Variants in ANKFN1 observed in about 807,000 individuals in gnomAD.
ANKFN1 encodes the protein ankyrin repeat and fibronectin type III domain containing 1, also known as ankyrin repeat and fibronectin type-III domain-containing protein 1.
In ANKFN1, 74 loss-of-function variants were observed where a neutral mutation model predicts 108.7. The ratio of observed to expected loss-of-function variants is 0.68; its 90% confidence interval spans 0.56 to 0.83. The LOEUF (loss-of-function observed/expected upper bound fraction) is 0.83, where lower values mean the gene tolerates loss of function less well. Ranked by LOEUF, ANKFN1 falls within the 40% of genes least tolerant of loss-of-function variation. The pLI is 0.00. For synonymous variants in ANKFN1, 547 were observed against 516.2 expected (o/e 1.06, Z -0.81); for missense variants, 1,505 against 1,382.3 (o/e 1.09, Z -1.41).
intron 4 of ANKFN1, among the ~76,000 whole-genome samples, chr17:56,118,491 T>C (rs116424177): frequency 3.3e-5 from 5 of 152,180 alleles, no homozygotes; most frequent in African/African-American, 1.2e-4. Flanking sequence ...TATTTACTTA[T>C]GTCCCTTATT....
chr17:56,415,289 A>G (rs2048211026), intron 8 of ANKFN1, among the ~76,000 whole-genome samples: 1 of 152,202 alleles, frequency 6.6e-6, no homozygotes. Context: ...AGGTGATATG[A>G]TCTTATATTT....
chr17:56,193,438 G>A (rs1334591424), intron 1 of ANKFN1, among the ~76,000 whole-genome samples: 1 of 151,046 alleles, frequency 6.6e-6, no homozygotes, highest in African/African-American at 2.4e-5. Context: ...ATGTAAAAGT[G>A]CATAATTTAT....
intron 15 of ANKFN1, among the ~76,000 whole-genome samples, chr17:56,470,482 C>T (rs1187549559): frequency 1.3e-5 from 2 of 151,994 alleles, no homozygotes; most frequent in East Asian, 3.9e-4. Flanking sequence ...TAATAATCAC[C>T]ATTCATGTCT....
intron 14 of ANKFN1, among the ~76,000 whole-genome samples, chr17:56,464,774 G>A (rs952070038): frequency 2.0e-5 from 3 of 152,172 alleles, no homozygotes; most frequent in Admixed American, 2.0e-4. Context: ...GTAAAGATTA[G>A]CATAACAGCT....
chr17:56,375,168 A>G (rs1012178644), intron 8 of ANKFN1, among the ~76,000 whole-genome samples: 2 of 152,164 alleles, frequency 1.3e-5, no homozygotes, highest in African/African-American at 2.4e-5. Flanking sequence ...GGAGGTCAGG[A>G]AAGAGCAAGG....
At chr17:56,474,394 T>C (rs115684374) in intron 15 of ANKFN1, among the ~76,000 whole-genome samples, 267 of 152,368 alleles carry the variant, frequency 1.8e-3, no homozygotes, top group Middle Eastern at 0.014. Context: ...GTAATCTGTA[T>C]GATTTGCTCT....
chr17:56,060,977 T>A (rs1040671889), intron 4 of ANKFN1, among the ~76,000 whole-genome samples: 1 of 152,228 alleles, frequency 6.6e-6, no homozygotes, highest in African/African-American at 2.4e-5. Context: ...TCCCTCTTTT[T>A]CAACTGTTTG....
Position 56,353,955 on chromosome 17 carries a change from G to T in ANKFN1, c.510G>T (p.Glu170Asp), listed in dbSNP as rs2046312557. The T allele has an allele frequency of 6.2e-7, 1 of 1,613,832 alleles. No individual in the cohort carries two copies. Among genetic ancestry groups the T allele is most frequent in the African/African-American group, 1.3e-5 (1 of 74,876 alleles). The change falls in exon 6 of 21, where the codon GAG (glutamate) becomes GAT (aspartate). Residue 170 changes from glutamate to aspartate, a missense_variant. Transcript: ENST00000682825. ...EELDLNTPNS[E>D]GLTPLDIAIM... ...TTGACCTCAACACACCTAACAGCGA[G>T]GGCTTGACACCCCTGGATATTGCCA...
chr17:56,387,858 A>C (rs1281545738), intron 8 of ANKFN1, among the ~76,000 whole-genome samples: 1 of 152,092 alleles, frequency 6.6e-6, no homozygotes, highest in Non-Finnish European at 1.5e-5. Context: ...GGACATTTGC[A>C]ATGCATTTGT....
At chr17:56,346,263 C>G (rs2046097187) in intron 4 of ANKFN1, among the ~76,000 whole-genome samples, 1 of 152,028 alleles carries the variant, frequency 6.6e-6, no homozygotes, top group African/African-American at 2.4e-5. Context: ...TGTTTTGGTA[C>G]CAGTACCATG....
intron 15 of ANKFN1, chr17:56,471,919 T>C (rs1048186713): frequency 1.3e-5 from 2 of 152,226 alleles, no homozygotes; most frequent in African/African-American, 2.4e-5. Context: ...CTAATGAATG[T>C]GTGGTTTCTT....
intron 4 of ANKFN1, among the ~76,000 whole-genome samples, chr17:56,118,883 T>G (rs987196290): frequency 5.3e-5 from 8 of 152,142 alleles, no homozygotes; most frequent in Non-Finnish European, 7.4e-5. Context: ...GAAAGATATT[T>G]AAGAAATGAA....
At chr17:56,164,228 C>T (rs1909946025) in intron 1 of ANKFN1, among the ~76,000 whole-genome samples, 1 of 152,158 alleles carries the variant, frequency 6.6e-6, no homozygotes, top group South Asian at 2.1e-4. Flanking sequence ...CGTTGCATTC[C>T]ACCCTCCTCT....
intron 11 of ANKFN1, among the ~76,000 whole-genome samples, chr17:56,453,656 G>A (rs979406633): frequency 1.3e-5 from 2 of 152,126 alleles, no homozygotes; most frequent in Non-Finnish European, 2.9e-5. Context: ...GTATTGCATG[G>A]TGGAGCTTTC....
chr17:56,490,025 G>A (rs1467357053), intron 18 of ANKFN1, among the ~76,000 whole-genome samples: 1 of 152,164 alleles, frequency 6.6e-6, no homozygotes, highest in Non-Finnish European at 1.5e-5. Flanking sequence ...TGAAGGGTCT[G>A]CCTCTTCAGA....
chr17:56,414,819 G>T (rs2048193124), intron 8 of ANKFN1, among the ~76,000 whole-genome samples: 1 of 152,090 alleles, frequency 6.6e-6, no homozygotes, highest in African/African-American at 2.4e-5. Flanking sequence ...AGGAGTTTGA[G>T]ACCAGCCTGG....
chr17:56,340,254 G>A (rs145976948), intron 4 of ANKFN1, among the ~76,000 whole-genome samples: 1 of 152,072 alleles, frequency 6.6e-6, no homozygotes, highest in Non-Finnish European at 1.5e-5. Flanking sequence ...TCTGTAAGTT[G>A]TCTGTTTACT....
At chr17:56,279,176 G>A (rs182838401) in intron 3 of ANKFN1, among the ~76,000 whole-genome samples, 317 of 152,192 alleles carry the variant, frequency 2.1e-3, no homozygotes, top group Non-Finnish European at 3.3e-3. Context: ...GGAAAAAATG[G>A]TATTACAAAT....
intron 3 of ANKFN1, among the ~76,000 whole-genome samples, chr17:56,264,885 T>C (rs560175604): frequency 1.3e-5 from 2 of 152,272 alleles, no homozygotes; most frequent in East Asian, 3.9e-4. Context: ...ACAAATACTT[T>C]GGGGTCTTTT....
Sources: gnomAD v4.1 joint callset for allele counts (sites outside exome capture counted in the v4.1 genomes callset) on GRCh38, gnomAD v4.1.1 for gene constraint, MANE v1.5 for transcripts, NCBI Gene and HGNC (gene_info 2026-07-23, HGNC 2026-07-21) for gene names.